EPS15: variants seen among roughly 807,000 people sequenced by gnomAD.
EPS15 encodes the protein epidermal growth factor receptor pathway substrate 15, also known as epidermal growth factor receptor substrate 15.
Under a neutral mutation model 113.8 loss-of-function variants are expected in EPS15, and 72 were observed. The ratio of observed to expected loss-of-function variants is 0.63; its 90% CI spans 0.52 to 0.77. The LOEUF (loss-of-function observed/expected upper bound fraction) is 0.77. Among genes scored for constraint, EPS15 ranks in the 30% least tolerant of loss-of-function variants. The pLI is 0.00. For missense variants in EPS15, 1,048 were observed against 1,045.8 expected (o/e 1.00, Z -0.03); for synonymous variants, 344 against 363.4 (o/e 0.95, Z 0.61).
chr1:51,519,249 A>C lies in EPS15; in HGVS notation c.-18T>G. On this transcript the variant is annotated 5_prime_UTR_variant, in exon 1 of 25. Transcript: ENST00000371733. The stretch of plus-strand genomic sequence containing the variant: ...GCAGCCATGGTGTTTCCATCATGCA[A>C]GGGAGGGGAAGGAAGACGGGCTGAC... 9.1e-7 allele frequency: 1 copy of C among 1,104,164 alleles called. No individual in the cohort carries two copies. The highest frequency in any genetic ancestry group is 1.1e-6 in the Non-Finnish European group (1 of 888,080). The allele number at this position is 1,104,164 out of a possible 1,614,324, so 68.4% of individuals were successfully genotyped here.
intron 10 of EPS15, among the ~76,000 whole-genome samples, chr1:51,445,948 G>T (rs1018521000): frequency 6.6e-6 from 1 of 152,188 alleles, no homozygotes; most frequent in Admixed American, 6.5e-5. Context: ...CATTTATTGA[G>T]TATAGTGCCT....
chr1:51,502,064 T>C (rs758666941), intron 1 of EPS15, among the ~76,000 whole-genome samples: 4 of 151,984 alleles, frequency 2.6e-5, no homozygotes, highest in Admixed American at 6.6e-5. Context: ...CCTTAGGAGT[T>C]TGAGACCACC....
chr1:51,419,591 T>C (rs1650555989), intron 13 of EPS15, among the ~76,000 whole-genome samples: 1 of 152,118 alleles, frequency 6.6e-6, no homozygotes, highest in African/African-American at 2.4e-5. Flanking sequence ...TTGACATTTC[T>C]CATTAGCATC....
chr1:51,358,842 T>C (rs947277628), intron 24 of EPS15, among the ~76,000 whole-genome samples: 2 of 151,796 alleles, frequency 1.3e-5, no homozygotes, highest in Non-Finnish European at 2.9e-5. Flanking sequence ...TAGCTGGGAT[T>C]ACAGGCATGC....
At position 51,477,661 on chromosome 1, in the gene EPS15, T is replaced by G. The variant is rs186932086; in HGVS notation, c.75+3612A>C. Among the ~76,000 whole-genome samples the G allele has an allele frequency of 6.6e-4, 100 of 152,346 alleles. 1 individual carries two copies. In the East Asian group the frequency reaches 0.016, roughly 24 times the overall value. Reference sequence around the variant, plus strand: ...AGGTTCTGGTATGTTGTGTCTTTGTTCTCGTTGGTTTCAAAGAACATCTTT... The same window carrying G: ...AGGTTCTGGTATGTTGTGTCTTTGTGCTCGTTGGTTTCAAAGAACATCTTT... On this transcript the variant is annotated intron_variant, in intron 2 of 24. Coordinates refer to ENST00000371733, the MANE Select transcript of EPS15 (RefSeq NM_001981.3).
At chr1:51,433,132 T>C (rs1651866167) in intron 12 of EPS15, among the ~76,000 whole-genome samples, 1 of 152,328 alleles carries the variant, frequency 6.6e-6, no homozygotes, top group East Asian at 1.9e-4. Context: ...ATGACTGAAG[T>C]AGAGGTCTAT....
At chr1:51,356,987 C>T (rs1646232090) in intron 24 of EPS15, 141 bp from the exon 25 acceptor site, 6 of 638,974 alleles carry the variant, frequency 9.4e-6, no homozygotes, top group Non-Finnish European at 1.6e-5. Flanking sequence ...TTTTTTTCCC[C>T]CTGAAAACAT....
chr1:51,481,488 A>G (rs931529644), intron 1 of EPS15, among the ~76,000 whole-genome samples, 174 bp from the exon 2 acceptor site: 2 of 152,230 alleles, frequency 1.3e-5, no homozygotes, highest in African/African-American at 4.8e-5. Flanking sequence ...ATAGATAAAG[A>G]TAGTCACATG....
intron 4 of EPS15, among the ~76,000 whole-genome samples, chr1:51,470,017 C>T (rs1655126444): frequency 6.6e-6 from 1 of 152,168 alleles, no homozygotes; most frequent in African/African-American, 2.4e-5. Context: ...AATGTCTTCC[C>T]TAACTGCTAG....
intron 1 of EPS15, among the ~76,000 whole-genome samples, chr1:51,502,875 G>A (rs1404780160): frequency 6.6e-6 from 1 of 151,580 alleles, no homozygotes; most frequent in Non-Finnish European, 1.5e-5. Context: ...CGTGGTGGGG[G>A]CTTGCCTATA....
At chr1:51,437,211 C>T (rs1652220250) in intron 12 of EPS15, among the ~76,000 whole-genome samples, 1 of 152,016 alleles carries the variant, frequency 6.6e-6, no homozygotes, top group Non-Finnish European at 1.5e-5. Context: ...CATTTTCTGA[C>T]CAATAACAAA....
chr1:51,495,437 G>A (rs1393749156), intron 1 of EPS15, among the ~76,000 whole-genome samples: 1 of 151,252 alleles, frequency 6.6e-6, no homozygotes, highest in East Asian at 1.9e-4. Context: ...TACCAGTCAA[G>A]AAATATAAAA....
intron 1 of EPS15, among the ~76,000 whole-genome samples, chr1:51,507,455 G>A (rs1644517330): frequency 1.3e-5 from 2 of 152,066 alleles, no homozygotes; most frequent in Non-Finnish European, 2.9e-5. Context: ...AAGATCAGGA[G>A]TTCAAGACTA....
chr1:51,450,477 A>T (rs1653452983), intron 8 of EPS15, among the ~76,000 whole-genome samples: 1 of 151,758 alleles, frequency 6.6e-6, no homozygotes, highest in African/African-American at 2.4e-5. Context: ...GTTGTAAGCC[A>T]CCTATTTGAC....
chr1:51,422,037 C>A, intron 12 of EPS15, 179 bp from the exon 13 acceptor site: 1 of 1,272,068 alleles, frequency 7.9e-7, no homozygotes, highest in Non-Finnish European at 1.0e-6. Flanking sequence ...TCAATATAAG[C>A]TCCATTTGTA....
chr1:51,411,717 G>A (rs557349845), intron 13 of EPS15, among the ~76,000 whole-genome samples: 1 of 152,172 alleles, frequency 6.6e-6, no homozygotes, highest in African/African-American at 2.4e-5. Context: ...ACAGAAGCTG[G>A]AGAGGATGTG....
intron 1 of EPS15, among the ~76,000 whole-genome samples, chr1:51,501,839 C>T (rs1441195342): frequency 6.6e-6 from 1 of 152,070 alleles, no homozygotes; most frequent in East Asian, 1.9e-4. Context: ...AACTTCCCAC[C>T]CCCTGGTTCT....
At chr1:51,485,213 A>C (rs1644098357) in intron 1 of EPS15, among the ~76,000 whole-genome samples, 1 of 152,224 alleles carries the variant, frequency 6.6e-6, no homozygotes, top group South Asian at 2.1e-4. Context: ...CCCACTGTTA[A>C]ATTTTTAAGG....
intron 19 of EPS15, among the ~76,000 whole-genome samples, 155 bp downstream of exon 19, chr1:51,400,763 A>T (rs1648463316): frequency 6.6e-6 from 1 of 151,054 alleles, no homozygotes; most frequent in African/African-American, 2.4e-5. Flanking sequence ...GCAACAATTC[A>T]TTAAGCAAAA....
Sources: allele counts gnomAD v4.1 joint callset (sites outside exome capture counted in the v4.1 genomes callset), GRCh38; gene constraint gnomAD v4.1.1; transcripts MANE v1.5; gene names NCBI Gene and HGNC (gene_info 2026-07-23, HGNC 2026-07-21).